The following CADM2 variants were observed in gnomAD, a reference collection of about 807,000 sequenced individuals.
CADM2 encodes cell adhesion molecule 2.
CADM2 carries 12 observed loss-of-function variants against 49.8 expected under a neutral mutation model. That is an observed-to-expected ratio of 0.24 (90% CI 0.15 to 0.39). The LOEUF is 0.39. Among genes scored for constraint, CADM2 ranks in the 10% least tolerant of loss-of-function variants. The pLI, the probability that CADM2 is intolerant of heterozygous loss-of-function variation, is 1.00. For missense variants in CADM2, 378 were observed against 492.3 expected (o/e 0.77, Z 2.20); for synonymous variants, 214 against 175.4 (o/e 1.22, Z -1.74).
chr3:85,769,395 T>C (rs1470982413), intron 2 of CADM2, among the ~76,000 whole-genome samples: 3 of 115,336 alleles, frequency 2.6e-5, no homozygotes, highest in Admixed American at 1.2e-4. Context: ...TATACATATA[T>C]AGTATATATA....
chr3:85,649,922 A>G (rs147610137), intron 1 of CADM2, among the ~76,000 whole-genome samples: 4 of 152,272 alleles, frequency 2.6e-5, no homozygotes, highest in South Asian at 2.1e-4. Context: ...GATTAGTGAG[A>G]AGTGAGGATA....
At chr3:85,180,163 G>A (rs1215098741) in intron 1 of CADM2, among the ~76,000 whole-genome samples, 7 of 152,086 alleles carry the variant, frequency 4.6e-5, no homozygotes, top group Admixed American at 3.9e-4. Context: ...TTGGGAAGAT[G>A]ATTTTTGATA....
At chr3:85,387,948 T>C (rs2034323749) in intron 1 of CADM2, among the ~76,000 whole-genome samples, 1 of 152,180 alleles carries the variant, frequency 6.6e-6, no homozygotes, top group Non-Finnish European at 1.5e-5. Context: ...CTGATGTTTT[T>C]AAGTTAGATT....
rs566167145 is a variant in CADM2 at position 84,967,314 on chromosome 3, T to TA, written c.61+7653dup. ...ATCAAGGCCTAAAATTTATAGTGTG[T>TA]AAAAAAAGTCCTAATTTTCTTAATA... On this transcript the variant is annotated intron_variant, in intron 1 of 9. Transcript: ENST00000383699. 1.1e-4 allele frequency among the ~76,000 whole-genome samples: 17 copies of TA among 152,204 alleles called. No homozygotes were observed. The South Asian group carries it at 2.5e-3, about 22-fold the overall frequency.
chr3:85,172,031 A>G (rs1367527342), intron 1 of CADM2, among the ~76,000 whole-genome samples: 3 of 152,266 alleles, frequency 2.0e-5, no homozygotes, highest in Non-Finnish European at 4.4e-5. Context: ...TATAGAAATT[A>G]AAACTAAAGT....
Position 85,898,937 on chromosome 3 carries a change from G to GTGTGTATA in CADM2, c.529+12611_529+12612insGTGTATAT, listed in dbSNP as rs796467067. 4.3e-3 allele frequency among the ~76,000 whole-genome samples: 201 copies of GTGTGTATA among 46,686 alleles called. 15 individuals are homozygous for GTGTGTATA. In the South Asian group the frequency reaches 0.046, roughly 11 times the overall value. 30.6% of individuals were successfully genotyped at this position (46,686 alleles called of 152,430 possible). A position where few individuals can be genotyped will look rare whatever the true frequency, so the allele number is the denominator to read the frequency against. ...TCATAAAATCCAATTCATTTATTGT[G>GTGTGTATA]TATATATATATATATATATTTTTTT... On this transcript the variant is annotated intron_variant, in intron 5 of 9. Transcript: ENST00000383699.
At chr3:85,696,544 T>C (rs2107695219) in intron 1 of CADM2, among the ~76,000 whole-genome samples, 1 of 152,216 alleles carries the variant, frequency 6.6e-6, no homozygotes, top group Middle Eastern at 3.4e-3. Flanking sequence ...CCGGTGTATG[T>C]TTTTGTCTGC....
intron 3 of CADM2, among the ~76,000 whole-genome samples, chr3:85,868,935 T>C (rs1021534455): frequency 4.6e-5 from 7 of 152,192 alleles, no homozygotes; most frequent in African/African-American, 1.7e-4. Flanking sequence ...TATTGTAATA[T>C]TTCAGATTAA....
At chr3:85,480,478 G>A (rs7614148) in intron 1 of CADM2, among the ~76,000 whole-genome samples, 77,951 of 151,574 alleles carry the variant, frequency 0.51, 22,992 homozygotes, top group East Asian at 0.83. Flanking sequence ...TGACTCAGGC[G>A]TTAGTAAAAG....
intron 3 of CADM2, among the ~76,000 whole-genome samples, chr3:85,812,597 C>T (rs1577371888): frequency 6.6e-6 from 1 of 152,090 alleles, no homozygotes; most frequent in Non-Finnish European, 1.5e-5. Flanking sequence ...ATGTGCAGAA[C>T]ATGCAGTTTT....
intron 5 of CADM2, among the ~76,000 whole-genome samples, chr3:85,904,216 T>C (rs982457163): frequency 5.9e-5 from 9 of 152,166 alleles, no homozygotes; most frequent in Admixed American, 1.3e-4. Context: ...CTCTTCTGGA[T>C]TGAAATCTCC....
intron 1 of CADM2, among the ~76,000 whole-genome samples, chr3:85,481,783 T>A (rs531974283): frequency 6.6e-6 from 1 of 151,864 alleles, no homozygotes; most frequent in East Asian, 1.9e-4. Context: ...AACTTTCTTT[T>A]TTCAGATATT....
intron 1 of CADM2, among the ~76,000 whole-genome samples, chr3:85,142,519 T>A (rs1244275108): frequency 6.6e-6 from 1 of 152,208 alleles, no homozygotes; most frequent in African/African-American, 2.4e-5. Flanking sequence ...TCCATCCTCA[T>A]TGCTTACAAT....
At chr3:85,981,156 A>G (rs1175444211) in intron 8 of CADM2, among the ~76,000 whole-genome samples, 2 of 151,414 alleles carry the variant, frequency 1.3e-5, no homozygotes, top group Non-Finnish European at 3.0e-5. Context: ...AGGACTATAT[A>G]TATGTATATA....
At chr3:85,895,891 T>C (rs1715152346) in intron 5 of CADM2, among the ~76,000 whole-genome samples, 1 of 152,220 alleles carries the variant, frequency 6.6e-6, no homozygotes, top group African/African-American at 2.4e-5. Context: ...CCCAGCCATA[T>C]GGAACTGTGA....
chr3:85,959,615 C>G (rs1328317176), intron 7 of CADM2, among the ~76,000 whole-genome samples: 1 of 151,846 alleles, frequency 6.6e-6, no homozygotes, highest in Non-Finnish European at 1.5e-5. Flanking sequence ...CAGTCATGCA[C>G]CATATAACAA....
intron 8 of CADM2, among the ~76,000 whole-genome samples, chr3:86,037,404 T>C (rs978029584): frequency 2.6e-5 from 4 of 152,164 alleles, no homozygotes; most frequent in Non-Finnish European, 4.4e-5. Context: ...CATGTGCCGT[T>C]TAACACTTCA....
rs374731307 is a variant in CADM2, at chr3:85,628,594, TATATACAC to T, written c.62-97922_62-97915del. 7.8e-4 allele frequency among the ~76,000 whole-genome samples: 40 copies of T among 51,150 alleles called. No homozygotes were observed. The Middle Eastern group carries it at 0.033, about 42-fold the overall frequency. 33.6% of individuals were successfully genotyped at this position (51,150 alleles called of 152,430 possible). ...ATATATACACACACATATATATACA[TATATACAC>T]ATATATACATTTATATACATATATA... On this transcript the variant is annotated intron_variant, in intron 1 of 9. Coordinates refer to ENST00000383699, the MANE Select transcript of CADM2 (RefSeq NM_001167675.2).
intron 1 of CADM2, among the ~76,000 whole-genome samples, chr3:85,146,570 G>A (rs1032097603): frequency 6.6e-6 from 1 of 152,016 alleles, no homozygotes; most frequent in Non-Finnish European, 1.5e-5. Context: ...AGTAATCATT[G>A]ATTTATATCA....
Sources: gnomAD v4.1 joint callset for allele counts (sites outside exome capture counted in the v4.1 genomes callset) on GRCh38, gnomAD v4.1.1 for gene constraint, MANE v1.5 for transcripts, NCBI Gene and HGNC (gene_info 2026-07-23, HGNC 2026-07-21) for gene names.